Variants in DDHD1 observed in about 807,000 individuals in gnomAD.
DDHD1 encodes the protein phospholipase DDHD1.
Under a neutral mutation model 96.4 loss-of-function variants are expected in DDHD1, and 49 were observed. The ratio of observed to expected loss-of-function variants is 0.51; its 90% confidence interval spans 0.40 to 0.64. The LOEUF (loss-of-function observed/expected upper bound fraction) is 0.64, where lower values mean the gene tolerates loss of function less well. DDHD1 is among the 30% of genes least tolerant of loss of function. DDHD1 has a pLI of 0.00. For synonymous variants in DDHD1, 442 were observed against 446.5 expected, an observed-to-expected ratio of 0.99 and a Z score of 0.13; for missense variants, 1,106 against 1,161.2, an observed-to-expected ratio of 0.95 and a Z score of 0.69.
At chr14:53,061,279 G>C in intron 7 of DDHD1, 78 bp from the exon 8 acceptor site, 1 of 1,278,964 alleles carries the variant, frequency 7.8e-7, no homozygotes, top group Non-Finnish European at 1.1e-6. Flanking sequence ...GCTTACTAAA[G>C]TATAAAGACG....
In DDHD1 at chr14:53,093,344, T is replaced by C. The variant is rs1264795205; in HGVS notation, c.1113A>G (p.Thr371=). 1.9e-6 allele frequency: 3 copies of C among 1,612,064 alleles called. No individual in the cohort carries two copies. Among genetic ancestry groups the C allele is most frequent in the Non-Finnish European group, 1.7e-6 (2 of 1,179,496 alleles). ...TAGAAAATCCCAGTTTTTGGGTAAC[T>C]GTTCTTGCAATTTTAGATGTTGTTG... The part of the protein sequence containing the change: ...SDATTSKIAR[T]VTQKLGFSKA... Residue 371 remains threonine (T), a synonymous_variant, in exon 3 of 13, where the codon ACA becomes ACG. Transcript: ENST00000673822.
chr14:53,141,407 G>T (rs1333147996), intron 1 of DDHD1, among the ~76,000 whole-genome samples: 1 of 152,154 alleles, frequency 6.6e-6, no homozygotes, highest in Non-Finnish European at 1.5e-5. Flanking sequence ...CCAAAGTAAG[G>T]TCTTCGAACC....
chr14:53,137,021 T>A (rs1424154582), intron 1 of DDHD1, among the ~76,000 whole-genome samples: 1 of 152,068 alleles, frequency 6.6e-6, no homozygotes, highest in African/African-American at 2.4e-5. Flanking sequence ...CAACCATTCC[T>A]CACTCCCTAG....
intron 1 of DDHD1, among the ~76,000 whole-genome samples, chr14:53,135,322 C>A (rs1231391208): frequency 6.6e-6 from 1 of 152,168 alleles, no homozygotes; most frequent in East Asian, 1.9e-4. Context: ...TTGTGATATT[C>A]CCCTGCCCTT....
At chr14:53,125,809 C>T (rs559916059) in intron 1 of DDHD1, among the ~76,000 whole-genome samples, 1 of 150,704 alleles carries the variant, frequency 6.6e-6, no homozygotes, top group Non-Finnish European at 1.5e-5. Context: ...TCATATGATT[C>T]TCCTGCCTCA....
intron 12 of DDHD1, among the ~76,000 whole-genome samples, chr14:53,047,670 G>T (rs572064624): frequency 6.6e-6 from 1 of 152,288 alleles, no homozygotes; most frequent in South Asian, 2.1e-4. Context: ...TAACAGTGCT[G>T]TCCACAAACA....
chr14:53,074,881 GTC>G (rs1268152342), intron 4 of DDHD1, among the ~76,000 whole-genome samples: 6 of 152,080 alleles, frequency 3.9e-5, no homozygotes, highest in Non-Finnish European at 4.4e-5. Context: ...CTCACTCTGT[GTC>G]TCTGTGTCAC....
rs116202769 is a variant in DDHD1 at position 53,079,201 on chromosome 14, G to A, written c.1290-5354C>T. Reference sequence around the variant, plus strand: ...GCTTTCATTGGTTTTTGGTATCGGGGTAATACTGGCTTCATAGAATGAGCT... The same window carrying A: ...GCTTTCATTGGTTTTTGGTATCGGGATAATACTGGCTTCATAGAATGAGCT... On this transcript the variant is annotated intron_variant, in intron 4 of 12. Transcript: ENST00000673822. Among the ~76,000 whole-genome samples the A allele has an allele frequency of 9.7e-3, 1,474 of 152,158 alleles. 28 individuals carry two copies. Among genetic ancestry groups the A allele is most frequent in the African/African-American group, 0.034 (1,402 of 41,518 alleles).
Position 53,046,896 on chromosome 14 carries a change from G to T in DDHD1, c.2575C>A (p.Arg859Ser). 6.2e-7 allele frequency: 1 copy of T among 1,613,162 alleles called. No homozygotes were observed. The highest frequency in any genetic ancestry group is 8.5e-7 in the Non-Finnish European group (1 of 1,179,542). ...TGCGACGTGACAGCTGACCAATAGCGGCTCTCCACAAGGCCTTCTCTGAGT... is the reference window on the plus strand; with the variant it reads ...TGCGACGTGACAGCTGACCAATAGCTGCTCTCCACAAGGCCTTCTCTGAGT... ...FELREGLVESRYWSAVTSHTA... is the reference protein window; with the variant it reads ...FELREGLVESSYWSAVTSHTA... The change falls in exon 13 of 13, where the codon CGC becomes AGC. Residue 859 changes from arginine to serine, a missense_variant. By Grantham distance (110) the Arg-to-Ser change is moderately radical. Around this residue, in one of 2 missense-constraint regions of DDHD1, gnomAD observed 650 missense variants for 758.8 expected, o/e 0.86. Transcript: ENST00000673822.
At chr14:53,152,118 C>CAAG in intron 1 of DDHD1, 143 bp downstream of exon 1, 5 of 827,368 alleles carry the variant, frequency 6.0e-6, no homozygotes, top group South Asian at 4.6e-5. Flanking sequence ...CCGACGCTCC[C>CAAG]TGCTCAATCT....
intron 1 of DDHD1, among the ~76,000 whole-genome samples, chr14:53,105,235 C>A (rs1182463153): frequency 6.6e-6 from 1 of 151,756 alleles, no homozygotes. Context: ...GTGAACACTC[C>A]TAATATAAAG....
intron 9 of DDHD1, among the ~76,000 whole-genome samples, chr14:53,057,129 G>A (rs1373909837): frequency 1.3e-5 from 2 of 152,136 alleles, no homozygotes; most frequent in African/African-American, 4.8e-5. Context: ...AAGTTAATAT[G>A]GCAGTTGTAA....
chr14:53,078,279 C>T (rs774833303), intron 4 of DDHD1, among the ~76,000 whole-genome samples: 12 of 152,164 alleles, frequency 7.9e-5, no homozygotes, highest in Admixed American at 2.0e-4. Context: ...CTAGCTAATA[C>T]TTGTTAATTT....
At chr14:53,087,086 G>T (rs189272438) in intron 4 of DDHD1, among the ~76,000 whole-genome samples, 1 of 151,666 alleles carries the variant, frequency 6.6e-6, no homozygotes, top group Non-Finnish European at 1.5e-5. Context: ...ATGGTAAAGG[G>T]ATCAATTCAA....
At chr14:53,072,522 T>C in intron 6 of DDHD1, 75 bp downstream of exon 6, 7 of 787,358 alleles carry the variant, frequency 8.9e-6, no homozygotes, top group Non-Finnish European at 1.3e-5. Flanking sequence ...AAAAAAAACA[T>C]AAAATGTAAA....
chr14:53,117,024 TAAA>T (rs1271002934), intron 1 of DDHD1, among the ~76,000 whole-genome samples: 6 of 151,866 alleles, frequency 4.0e-5, no homozygotes, highest in Admixed American at 6.6e-5. Context: ...GCTAGACTAA[TAAA>T]GAAGAAAAGA....
chr14:53,127,007 G>C (rs546461969), intron 1 of DDHD1, among the ~76,000 whole-genome samples: 9 of 152,144 alleles, frequency 5.9e-5, no homozygotes, highest in African/African-American at 1.7e-4. Context: ...AAAAAGAACA[G>C]AGAAAAAGGA....
In DDHD1 at chr14:53,039,106, T is replaced by C. The variant is rs942265003; in HGVS notation, c.*7662A>G. ...CAAGAGACAGAGACCCACCTCAGAA[T>C]AGTGTAAGCAAATAAAAGTACAACT... On this transcript the variant is annotated 3_prime_UTR_variant, in exon 13 of 13. Coordinates refer to ENST00000673822, the MANE Select transcript of DDHD1 (RefSeq NM_001160148.2). 3.3e-5 allele frequency: 5 copies of C among 152,212 alleles called. No homozygotes were observed. The highest frequency in any genetic ancestry group is 3.8e-4 in the East Asian group (2 of 5,204). The allele number at this position is 152,212 out of a possible 1,614,324, so 9.4% of individuals were successfully genotyped here.
Position 53,138,199 on chromosome 14 carries a change from G to C in DDHD1, c.838+14062C>G, listed in dbSNP as rs1214579355. Among the ~76,000 whole-genome samples the C allele has an allele frequency of 3.9e-5, 6 of 152,338 alleles. No homozygotes were observed. The East Asian group carries it at 1.2e-3, about 29-fold the overall frequency. On this transcript the variant is annotated intron_variant, in intron 1 of 12. Coordinates refer to ENST00000673822, the MANE Select transcript of DDHD1 (RefSeq NM_001160148.2). ...GTGGGCAGATCACTTGAGGTCAGGAGTTCAAGATCAGCTTGGCCAACATGG... is the reference window on the plus strand; with the variant it reads ...GTGGGCAGATCACTTGAGGTCAGGACTTCAAGATCAGCTTGGCCAACATGG...
Sources: allele counts gnomAD v4.1 joint callset (sites outside exome capture counted in the v4.1 genomes callset), GRCh38; gene constraint gnomAD v4.1.1; regional missense constraint gnomAD v4.1.1; transcripts MANE v1.5; gene names NCBI Gene and HGNC (gene_info 2026-07-23, HGNC 2026-07-21).